Variants in SH3RF3 observed in about 807,000 individuals in gnomAD.
The protein encoded by SH3RF3 is SH3 domain containing ring finger 3.
In SH3RF3, 29 loss-of-function variants were observed where a neutral mutation model predicts 66.3. The ratio of observed to expected loss-of-function variants is 0.44; its 90% CI spans 0.33 to 0.60. The LOEUF is 0.60. Ranked by LOEUF, SH3RF3 falls within the 20% of genes least tolerant of loss-of-function variation. The pLI is 0.04. For synonymous variants in SH3RF3, 583 were observed against 532.0 expected, an observed-to-expected ratio of 1.10 and a Z score of -1.32; for missense variants, 1,194 against 1,190.9, an observed-to-expected ratio of 1.00 and a Z score of -0.04.
intron 7 of SH3RF3, among the ~76,000 whole-genome samples, chr2:109,438,526 C>T (rs1677473790): frequency 6.6e-6 from 1 of 152,210 alleles, no homozygotes; most frequent in South Asian, 2.1e-4. Flanking sequence ...ACTCTGCCAT[C>T]TCAGATTCTG....
chr2:109,132,353 A>T, intron 1 of SH3RF3, among the ~76,000 whole-genome samples: 1 of 152,070 alleles, frequency 6.6e-6, no homozygotes, highest in East Asian at 1.9e-4. Flanking sequence ...AAAAAGTTTT[A>T]ATTTCTGTTT....
chr2:109,425,500 AG>A (rs1252796810), intron 5 of SH3RF3, among the ~76,000 whole-genome samples: 1 of 152,230 alleles, frequency 6.6e-6, no homozygotes, highest in Non-Finnish European at 1.5e-5. Flanking sequence ...CTCTCTTGTT[AG>A]GGGCTAATGC....
chr2:109,248,793 TTCTG>T (rs929941630), intron 1 of SH3RF3, among the ~76,000 whole-genome samples: 14 of 151,566 alleles, frequency 9.2e-5, no homozygotes, highest in Admixed American at 2.0e-4. Flanking sequence ...GTCTTTCTCT[TTCTG>T]TCTCTCTTTC....
intron 8 of SH3RF3, among the ~76,000 whole-genome samples, chr2:109,489,083 G>A (rs186123710): frequency 7.9e-5 from 12 of 152,376 alleles, no homozygotes; most frequent in East Asian, 5.8e-4. Flanking sequence ...AGCGAAGGCC[G>A]AGACTCAGGC....
intron 8 of SH3RF3, among the ~76,000 whole-genome samples, chr2:109,472,956 A>T (rs563168095): frequency 6.6e-6 from 1 of 152,270 alleles, no homozygotes; most frequent in East Asian, 1.9e-4. Context: ...TAAATGAATG[A>T]ATGTGGTGCT....
intron 1 of SH3RF3, among the ~76,000 whole-genome samples, chr2:109,272,486 C>T (rs778145046): frequency 1.3e-5 from 2 of 152,226 alleles, no homozygotes; most frequent in African/African-American, 4.8e-5. Context: ...GCAGGGAGCC[C>T]CCTTCGCCTC....
In SH3RF3 at chr2:109,284,900, T is replaced by C. The variant is rs12619853; in HGVS notation, c.574-62774T>C. Among the ~76,000 whole-genome samples the C allele has an allele frequency of 8.0e-3, 1,224 of 152,378 alleles. 12 individuals carry two copies. The highest frequency in any genetic ancestry group is 0.038 in the East Asian group (195 of 5,190). On this transcript the variant is annotated intron_variant, in intron 1 of 9. Coordinates refer to ENST00000309415, the MANE Select transcript of SH3RF3 (RefSeq NM_001099289.3). ...CGTGCTGACTTTAAAAAATCCACACTGGGCTCGTCTGCTTCCCTGATGACA... is the reference window on the plus strand; with the variant it reads ...CGTGCTGACTTTAAAAAATCCACACCGGGCTCGTCTGCTTCCCTGATGACA...
At position 109,495,096 on chromosome 2, in the gene SH3RF3, G is replaced by GC. The variant is rs549456349; in HGVS notation, c.2480+4164dup. ...GGGTGTAAGTCACCTAGAGGGCCAT[G>GC]CCCCGTTCCTTCCAAGAGGACCTCA... On this transcript the variant is annotated intron_variant, in intron 9 of 9. Coordinates refer to ENST00000309415, the MANE Select transcript of SH3RF3 (RefSeq NM_001099289.3). Among the ~76,000 whole-genome samples the GC allele has an allele frequency of 1.3e-4, 20 of 152,344 alleles. No homozygotes were observed. In the South Asian group the frequency reaches 3.9e-3, roughly 30 times the overall value.
At chr2:109,373,311 T>C (rs892767745) in intron 3 of SH3RF3, among the ~76,000 whole-genome samples, 1 of 152,224 alleles carries the variant, frequency 6.6e-6, no homozygotes, top group Admixed American at 6.5e-5. Flanking sequence ...CTGGCCAAAC[T>C]TTTTTCTCCA....
intron 3 of SH3RF3, among the ~76,000 whole-genome samples, chr2:109,393,082 A>G (rs1469003743): frequency 6.6e-6 from 1 of 152,208 alleles, no homozygotes; most frequent in Non-Finnish European, 1.5e-5. Context: ...AGTGAGGGGA[A>G]GCTCCTGAGA....
chr2:109,249,569 TTCCTTCCTTCCTTC>T lies in SH3RF3; in HGVS notation c.574-98104_574-98091del, dbSNP rs1558981605. Among the ~76,000 whole-genome samples, 88 of 138,838 alleles carry T rather than the reference TTCCTTCCTTCCTTC, an allele frequency of 6.3e-4. 1 individual carries two copies. The highest frequency in any genetic ancestry group is 1.4e-3 in the South Asian group (6 of 4,414). The allele number at this position is 138,838 out of a possible 152,430, so 91.1% of individuals were successfully genotyped here. ...CTTCCTTCCTTCCTTCCTTCCTTCC[TTCCTTCCTTCCTTC>T]CTTTCCTTTCTTTCTTTTTCTTTCT... is the stretch of plus-strand genomic sequence containing the variant. On this transcript the variant is annotated intron_variant, in intron 1 of 9. Transcript: ENST00000309415.
At chr2:109,269,483 T>G (rs1179918806) in intron 1 of SH3RF3, among the ~76,000 whole-genome samples, 1 of 152,174 alleles carries the variant, frequency 6.6e-6, no homozygotes, top group Non-Finnish European at 1.5e-5. Flanking sequence ...AGGTAGTGCT[T>G]AAAAGATAGT....
chr2:109,203,354 A>G (rs562393124), intron 1 of SH3RF3, among the ~76,000 whole-genome samples: 1 of 152,310 alleles, frequency 6.6e-6, no homozygotes, highest in Admixed American at 6.5e-5. Flanking sequence ...GCTAGTCCTT[A>G]TGCTGCCCTG....
chr2:109,170,254 C>CTT (rs1677734963), intron 1 of SH3RF3, among the ~76,000 whole-genome samples: 1 of 15,552 alleles, frequency 6.4e-5, no homozygotes, highest in Non-Finnish European at 1.9e-4. Context: ...TTTCTCTTCT[C>CTT]TTCTCTTCTC....
At chr2:109,468,698 A>C (rs1186597638) in intron 8 of SH3RF3, among the ~76,000 whole-genome samples, 1 of 151,742 alleles carries the variant, frequency 6.6e-6, no homozygotes, top group Non-Finnish European at 1.5e-5. Flanking sequence ...TATTAAAAAT[A>C]AAAAAATGAG....
intron 1 of SH3RF3, among the ~76,000 whole-genome samples, chr2:109,341,284 T>A (rs117108691): frequency 6.6e-6 from 1 of 152,232 alleles, no homozygotes; most frequent in African/African-American, 2.4e-5. Flanking sequence ...GTGATAACAG[T>A]AACAAACTTC....
At chr2:109,218,933 G>A (rs947611577) in intron 1 of SH3RF3, among the ~76,000 whole-genome samples, 1 of 152,164 alleles carries the variant, frequency 6.6e-6, no homozygotes, top group Non-Finnish European at 1.5e-5. Flanking sequence ...TTCCCTGCAC[G>A]GACCAGGCTT....
intron 8 of SH3RF3, among the ~76,000 whole-genome samples, chr2:109,477,323 C>T (rs1379265447): frequency 6.6e-6 from 1 of 152,202 alleles, no homozygotes; most frequent in Non-Finnish European, 1.5e-5. Context: ...CCATGCCGCT[C>T]CCTGCCCTCC....
At chr2:109,386,840 C>G (rs1269959255) in intron 3 of SH3RF3, among the ~76,000 whole-genome samples, 2 of 152,126 alleles carry the variant, frequency 1.3e-5, no homozygotes, top group Non-Finnish European at 2.9e-5. Flanking sequence ...CCAAAGACAC[C>G]AAAGGCTCTT....
Sources: gnomAD v4.1 joint callset for allele counts (sites outside exome capture counted in the v4.1 genomes callset) on GRCh38, gnomAD v4.1.1 for gene constraint, MANE v1.5 for transcripts, NCBI Gene and HGNC (gene_info 2026-07-23, HGNC 2026-07-21) for gene names.